Variants in SUGP1 observed in about 807,000 individuals in gnomAD.
The protein encoded by SUGP1 is SURP and G-patch domain containing 1.
Under a neutral mutation model 76.5 loss-of-function variants are expected in SUGP1, and 34 were observed. The ratio of observed to expected loss-of-function variants is 0.44; its 90% CI spans 0.34 to 0.59. SUGP1 has a LOEUF of 0.59. Among genes scored for constraint, SUGP1 ranks in the 20% least tolerant of loss-of-function variants. The probability of loss-of-function intolerance (pLI) is 0.01; values close to 1 mark genes in which losing one functional copy is unlikely to be tolerated. For missense variants in SUGP1, 752 were observed against 851.7 expected, an observed-to-expected ratio of 0.88 and a Z score of 1.46; for synonymous variants, 326 against 326.2, an observed-to-expected ratio of 1.00 and a Z score of 0.01.
intron 7 of SUGP1, chr19:19,301,666 G>A (rs779452601): frequency 1.3e-5 from 2 of 152,842 alleles, no homozygotes; most frequent in Non-Finnish European, 2.9e-5. Context: ...CCCGGGCACA[G>A]AGCAAGTGCC....
At chr19:19,314,061 C>T (rs1254285751) in intron 2 of SUGP1, among the ~76,000 whole-genome samples, 1 of 151,998 alleles carries the variant, frequency 6.6e-6, no homozygotes, top group East Asian at 1.9e-4. Context: ...CACTTGAGCC[C>T]AAGAGGCGGA....
At chr19:19,276,739 C>G (rs2061052347) in intron 13 of SUGP1, 65 bp from the exon 14 acceptor site, 7 of 1,610,162 alleles carry the variant, frequency 4.3e-6, no homozygotes, top group Non-Finnish European at 5.9e-6. Context: ...TTCCTCCTGT[C>G]TGGAACCTTC....
rs1217397718 is a variant in SUGP1, at chr19:19,277,254, G to GGC, written c.1782-179_1782-178insGC. On this transcript the variant is annotated intron_variant, in intron 12 of 13. Transcript: ENST00000247001. ...GAGGGGAGACCCCCGGGGCGGGCGGGGGGGGGGGGCCTAGGCCCCAGGGTC... is the reference window on the plus strand; with the variant it reads ...GAGGGGAGACCCCCGGGGCGGGCGGGGCGGGGGGGGGCCTAGGCCCCAGGGTC... 8.0e-5 allele frequency among the ~76,000 whole-genome samples: 12 copies of GGC among 150,614 alleles called. No homozygotes were observed. In the South Asian group the frequency reaches 8.4e-4, roughly 10 times the overall value.
At chr19:19,295,605 CAAAA>C (rs55921805) in intron 8 of SUGP1, among the ~76,000 whole-genome samples, 1 of 66,810 alleles carries the variant, frequency 1.5e-5, no homozygotes, top group African/African-American at 4.9e-5. Context: ...GACTCCTTCT[CAAAA>C]AAAAAAAAAA....
At chr19:19,290,214 G>A (rs1219070344) in intron 8 of SUGP1, among the ~76,000 whole-genome samples, 1 of 152,196 alleles carries the variant, frequency 6.6e-6, no homozygotes, top group Non-Finnish European at 1.5e-5. Context: ...GCTCCCAAGT[G>A]ATGGAGGAAG....
intron 7 of SUGP1, among the ~76,000 whole-genome samples, chr19:19,298,832 G>C (rs913462567): frequency 2.0e-5 from 3 of 152,170 alleles, no homozygotes; most frequent in Admixed American, 6.6e-5. Context: ...AGCAGGCATC[G>C]GGGTGTGGGG....
Position 19,302,292 on chromosome 19 carries a change from T to C in SUGP1, c.860A>G (p.Gln287Arg). 1.9e-6 allele frequency: 3 copies of C among 1,614,232 alleles called. No homozygotes were observed. The highest frequency in any genetic ancestry group is 2.5e-6 in the Non-Finnish European group (3 of 1,180,028). ...GAATGCCTGGTTCTCACGGTTGTTC[T>C]GGAGGGCAATGGTTTCCACCTCGGG... ...GGPEVETIAL[Q>R]NNRENQAFSF... The change falls in exon 7 of 14, where the codon CAG becomes CGG. Residue 287 changes from glutamine to arginine, a missense_variant. Transcript: ENST00000247001.
intron 1 of SUGP1, 38 bp from the exon 2 acceptor site, chr19:19,316,631 A>C (rs746770099): frequency 3.1e-6 from 5 of 1,607,494 alleles, no homozygotes; most frequent in Non-Finnish European, 3.4e-6. Flanking sequence ...AATCACCCTT[A>C]CTCCACAAAC....
At chr19:19,315,296 C>T (rs942931734) in intron 2 of SUGP1, among the ~76,000 whole-genome samples, 3 of 151,976 alleles carry the variant, frequency 2.0e-5, no homozygotes, top group Non-Finnish European at 4.4e-5. Context: ...CCACTGCACT[C>T]CGGCCTGGGT....
At chr19:19,285,368 T>C (rs1034882865) in intron 8 of SUGP1, among the ~76,000 whole-genome samples, 2 of 152,112 alleles carry the variant, frequency 1.3e-5, no homozygotes, top group Non-Finnish European at 2.9e-5. Flanking sequence ...GGTTTCACCA[T>C]GTTGGCCAGG....
intron 8 of SUGP1, among the ~76,000 whole-genome samples, chr19:19,285,523 A>G (rs1437161062): frequency 1.3e-5 from 2 of 151,986 alleles, no homozygotes; most frequent in Non-Finnish European, 2.9e-5. Context: ...GGAGCCAAAA[A>G]AGACATTAGT....
intron 8 of SUGP1, among the ~76,000 whole-genome samples, chr19:19,283,026 A>G (rs376858014): frequency 4.5e-4 from 69 of 152,000 alleles, no homozygotes; most frequent in East Asian, 1.6e-3. Context: ...GCAGTGAGCC[A>G]AGATCGTGCT....
In SUGP1 at chr19:19,280,168, T is replaced by G. The variant is rs1252637380; in HGVS notation, c.1350+17A>C. On this transcript the variant is annotated intron_variant, in intron 9 of 13. Coordinates refer to ENST00000247001, the MANE Select transcript of SUGP1 (RefSeq NM_172231.4). ...GGCGCCGACCATGTCCCCGTCCCCTTGTCCCCGCAGTCTTACCTCCTGCTG... is the reference window on the plus strand; with the variant it reads ...GGCGCCGACCATGTCCCCGTCCCCTGGTCCCCGCAGTCTTACCTCCTGCTG... The G allele has an allele frequency of 6.2e-7, 1 of 1,611,854 alleles. No individual in the cohort carries two copies. The highest frequency in any genetic ancestry group is 8.5e-7 in the Non-Finnish European group (1 of 1,178,580).
intron 7 of SUGP1, among the ~76,000 whole-genome samples, chr19:19,301,497 C>T (rs997810473): frequency 2.6e-5 from 4 of 152,218 alleles, no homozygotes; most frequent in African/African-American, 7.2e-5. Flanking sequence ...GTGATGAAGT[C>T]TAGGGCTGCT....
intron 8 of SUGP1, chr19:19,281,593 C>T (rs1439763181): frequency 6.6e-6 from 1 of 152,290 alleles, no homozygotes; most frequent in African/African-American, 2.4e-5. Flanking sequence ...GGAAGGCTGT[C>T]GCCTTCCCTT....
intron 2 of SUGP1, among the ~76,000 whole-genome samples, chr19:19,313,568 G>T (rs1334863206): frequency 6.6e-6 from 1 of 152,136 alleles, no homozygotes; most frequent in Non-Finnish European, 1.5e-5. Context: ...AATTAGCTAG[G>T]CATGGCAGTG....
chr19:19,289,156 C>G (rs778147659), intron 8 of SUGP1, among the ~76,000 whole-genome samples: 1 of 152,054 alleles, frequency 6.6e-6, no homozygotes, highest in African/African-American at 2.4e-5. Flanking sequence ...GCTGTATACC[C>G]CGTTGCTCCC....
At chr19:19,312,012 G>T (rs1322475787) in intron 2 of SUGP1, among the ~76,000 whole-genome samples, 1 of 152,016 alleles carries the variant, frequency 6.6e-6, no homozygotes, top group African/African-American at 2.4e-5. Context: ...GCTCATTATG[G>T]AACAAATGGA....
chr19:19,319,843 A>C (rs1202814270), intron 1 of SUGP1, among the ~76,000 whole-genome samples: 2 of 152,122 alleles, frequency 1.3e-5, no homozygotes, highest in Non-Finnish European at 2.9e-5. Context: ...TTTTCTCATT[A>C]ATGCACTGAC....
Sources: gnomAD v4.1 joint callset for allele counts (sites outside exome capture counted in the v4.1 genomes callset) on GRCh38, gnomAD v4.1.1 for gene constraint, MANE v1.5 for transcripts, NCBI Gene and HGNC (gene_info 2026-07-23, HGNC 2026-07-21) for gene names.